Variants in MPP7 observed in about 807,000 individuals in gnomAD.
MPP7 encodes the protein MAGUK p55 subfamily member 7.
Under a neutral mutation model 76.5 loss-of-function variants are expected in MPP7, and 60 were observed. The ratio of observed to expected loss-of-function variants is 0.78; its 90% confidence interval spans 0.64 to 0.97. The LOEUF is 0.97. Among genes scored for constraint, MPP7 ranks in the 50% least tolerant of loss-of-function variants. The pLI is 0.00. For missense variants in MPP7, 641 were observed against 694.0 expected, an observed-to-expected ratio of 0.92 and a Z score of 0.86; for synonymous variants, 237 against 244.5, an observed-to-expected ratio of 0.97 and a Z score of 0.29.
chr10:28,221,437 G>A (rs565780646), intron 2 of MPP7, among the ~76,000 whole-genome samples: 17 of 152,278 alleles, frequency 1.1e-4, no homozygotes, highest in Non-Finnish European at 1.9e-4. Flanking sequence ...GACTGGTGAT[G>A]CATAAAGAAC....
At chr10:28,330,503 A>AG (rs1431596567) in intron 1 of MPP7, among the ~76,000 whole-genome samples, 5 of 152,168 alleles carry the variant, frequency 3.3e-5, no homozygotes, top group African/African-American at 1.2e-4. Context: ...AAGCAGGAAG[A>AG]GACTGGGTAA....
intron 2 of MPP7, among the ~76,000 whole-genome samples, chr10:28,209,306 A>C (rs1838051881): frequency 6.6e-6 from 1 of 151,994 alleles, no homozygotes; most frequent in African/African-American, 2.4e-5. Context: ...ACTACCAAAA[A>C]AAAATTTTAT....
chr10:28,130,297 T>C (rs1835151432), intron 6 of MPP7, among the ~76,000 whole-genome samples: 1 of 152,190 alleles, frequency 6.6e-6, no homozygotes, highest in Non-Finnish European at 1.5e-5. Context: ...TTCCTGATTT[T>C]CTGATAAGGA....
At chr10:28,114,361 A>G (rs1834596384) in intron 11 of MPP7, among the ~76,000 whole-genome samples, 1 of 152,178 alleles carries the variant, frequency 6.6e-6, no homozygotes, top group Admixed American at 6.5e-5. Context: ...GCAGTCAGCT[A>G]TGATGGTGCC....
chr10:28,213,791 C>CAA (rs575725136), intron 2 of MPP7, among the ~76,000 whole-genome samples: 30 of 57,726 alleles, frequency 5.2e-4, no homozygotes, highest in East Asian at 1.0e-3. Flanking sequence ...GACTCTGTCT[C>CAA]AAAAAAAAAA....
At chr10:28,217,537 A>AAAAAGAAAAGAAAAGAAAAGAAAAG (rs3064105) in intron 2 of MPP7, among the ~76,000 whole-genome samples, 146 of 138,194 alleles carry the variant, frequency 1.1e-3, no homozygotes, top group Admixed American at 2.6e-3. Flanking sequence ...AAAAAAAAAA[A>AAAAAGAAAAGAAAAGAAAAGAAAAG]AAAAGAAAAG....
At chr10:28,270,540 G>GT (rs1840292108) in intron 1 of MPP7, among the ~76,000 whole-genome samples, 1 of 106,640 alleles carries the variant, frequency 9.4e-6, no homozygotes, top group Non-Finnish European at 1.8e-5. Context: ...AAAGGGGGGG[G>GT]GGGAGGAGGG....
intron 1 of MPP7, among the ~76,000 whole-genome samples, chr10:28,257,179 A>C (rs988823976): frequency 6.6e-6 from 1 of 152,204 alleles, no homozygotes; most frequent in Non-Finnish European, 1.5e-5. Flanking sequence ...TTGAGATGTC[A>C]CAGTATTAAA....
intron 1 of MPP7, among the ~76,000 whole-genome samples, chr10:28,287,798 T>C (rs1315369312): frequency 6.6e-6 from 1 of 152,106 alleles, no homozygotes. Flanking sequence ...AATCAGTATT[T>C]CCCAAATGAT....
chr10:28,281,984 G>C (rs772772652), intron 1 of MPP7: 3 of 152,104 alleles, frequency 2.0e-5, no homozygotes, highest in African/African-American at 4.8e-5. Flanking sequence ...GCTACAAGCA[G>C]AGTCATCGTT....
At chr10:28,262,260 TATATATATATATATATA>T (rs1840009137) in intron 1 of MPP7, among the ~76,000 whole-genome samples, 1 of 15,896 alleles carries the variant, frequency 6.3e-5, no homozygotes, top group Non-Finnish European at 1.2e-4. Flanking sequence ...TATATATATG[TATATATATATATATATA>T]TTTTTTTTTT....
At chr10:28,168,762 C>T (rs576048856) in intron 3 of MPP7, among the ~76,000 whole-genome samples, 326 of 152,280 alleles carry the variant, frequency 2.1e-3, no homozygotes, top group African/African-American at 7.6e-3. Context: ...TTGTGATCTG[C>T]CCACCTCGGC....
chr10:28,266,996 G>T (rs1840167657), intron 1 of MPP7, among the ~76,000 whole-genome samples: 1 of 152,188 alleles, frequency 6.6e-6, no homozygotes, highest in Non-Finnish European at 1.5e-5. Context: ...CATCAACATT[G>T]TCACAGATGT....
chr10:28,185,136 CTATAT>C (rs1206477526), intron 3 of MPP7, among the ~76,000 whole-genome samples: 1 of 147,350 alleles, frequency 6.8e-6, no homozygotes, highest in African/African-American at 2.5e-5. Context: ...CGAGACCAGC[CTATAT>C]TATATATTTT....
chr10:28,266,668 T>G (rs567333306), intron 1 of MPP7, among the ~76,000 whole-genome samples: 23 of 152,218 alleles, frequency 1.5e-4, no homozygotes, highest in Non-Finnish European at 3.2e-4. Flanking sequence ...CCTGTTTCAT[T>G]TTTGTAATCA....
chr10:28,187,575 G>A (rs1588899512), intron 3 of MPP7, among the ~76,000 whole-genome samples: 1 of 152,062 alleles, frequency 6.6e-6, no homozygotes, highest in East Asian at 1.9e-4. Context: ...GGCAAGTAAC[G>A]TAACCTCCCC....
rs1167453773 is a variant in MPP7, at chr10:28,052,828, G to A, written c.*1237C>T. 6.6e-6 allele frequency: 1 copy of A among 151,460 alleles called. No individual in the cohort carries two copies. Among genetic ancestry groups the A allele is most frequent in the African/African-American group, 2.4e-5 (1 of 41,160 alleles). The allele number at this position is 151,460 out of a possible 1,614,324, so 9.4% of individuals were successfully genotyped here. ...AGTCACAGATGCAATGATTTTCGAC[G>A]GGCAGGGCTTCACTGCATGCAAGAA... On this transcript the variant is annotated 3_prime_UTR_variant, in exon 17 of 17. Transcript: ENST00000683449.
At chr10:28,153,948 C>T (rs1483515713) in intron 3 of MPP7, among the ~76,000 whole-genome samples, 3 of 152,172 alleles carry the variant, frequency 2.0e-5, no homozygotes, top group African/African-American at 4.8e-5. Flanking sequence ...TTAGCACATG[C>T]ATGCATACAC....
intron 11 of MPP7, among the ~76,000 whole-genome samples, chr10:28,100,925 A>AT (rs1285776944): frequency 1.3e-5 from 2 of 152,164 alleles, no homozygotes; most frequent in Non-Finnish European, 2.9e-5. Context: ...TGAGAATTTA[A>AT]TTTTTTGTAA....
Sources: allele counts gnomAD v4.1 joint callset (sites outside exome capture counted in the v4.1 genomes callset), GRCh38; gene constraint gnomAD v4.1.1; transcripts MANE v1.5; gene names NCBI Gene and HGNC (gene_info 2026-07-23, HGNC 2026-07-21).